SCGB2B2: variants seen among roughly 807,000 people sequenced by gnomAD.
The protein encoded by SCGB2B2 is secretoglobin family 2B member 2.
Under a neutral mutation model 7.6 loss-of-function variants are expected in SCGB2B2, and 11 were observed. The ratio of observed to expected loss-of-function variants is 1.45; its 90% CI spans 0.91 to 2.40. SCGB2B2 has a LOEUF of 2.40. SCGB2B2 is among the 30% of genes most tolerant of loss of function. The probability of loss-of-function intolerance (pLI) is 0.00; values close to 1 mark genes in which losing one functional copy is unlikely to be tolerated. For synonymous variants in SCGB2B2, 50 were observed against 48.6 expected (o/e 1.03, Z -0.12); for missense variants, 104 against 115.4 (o/e 0.90, Z 0.45).
chr19:34,633,387 C>T (rs1178824118), intron 1 of SCGB2B2, among the ~76,000 whole-genome samples: 1 of 152,108 alleles, frequency 6.6e-6, no homozygotes, highest in Non-Finnish European at 1.5e-5. Flanking sequence ...TGTCCTTTAA[C>T]AAATGAGCAG....
chr19:34,614,760 T>G (rs1295113141), intron 1 of SCGB2B2, among the ~76,000 whole-genome samples: 1 of 152,254 alleles, frequency 6.6e-6, no homozygotes, highest in African/African-American at 2.4e-5. Context: ...GTTGCTTTCA[T>G]AAAGTAAGAC....
intron 1 of SCGB2B2, among the ~76,000 whole-genome samples, chr19:34,602,782 T>A (rs991692248): frequency 6.6e-6 from 1 of 152,176 alleles, no homozygotes; most frequent in Non-Finnish European, 1.5e-5. Flanking sequence ...ATTTCGCTTT[T>A]GCTAGCCTTG....
downstream of SCGB2B2, among the ~76,000 whole-genome samples, chr19:34,590,282 G>A (rs374431193): frequency 6.7e-4 from 102 of 152,262 alleles, no homozygotes; most frequent in African/African-American, 1.7e-3. Context: ...TCCTCATGTC[G>A]TGACCTGACC....
chr19:34,645,897 C>A, intron 1 of SCGB2B2: 1 of 250,812 alleles, frequency 4.0e-6, no homozygotes. Context: ...GGATGCCTGC[C>A]TGGATTTCTA....
At chr19:34,618,279 A>G (rs1332895754) in intron 1 of SCGB2B2, among the ~76,000 whole-genome samples, 1 of 152,224 alleles carries the variant, frequency 6.6e-6, no homozygotes, top group Non-Finnish European at 1.5e-5. Flanking sequence ...AATCTATCCA[A>G]TCTTAACTAG....
chr19:34,599,884 C>G (rs143875034), intron 1 of SCGB2B2, among the ~76,000 whole-genome samples: 1 of 152,260 alleles, frequency 6.6e-6, no homozygotes, highest in Non-Finnish European at 1.5e-5. Flanking sequence ...ACATAGAACA[C>G]AAGTATGGAG....
rs185580085 is a variant in SCGB2B2, at chr19:34,592,885, C to G, written c.*670G>C. On this transcript the variant is annotated 3_prime_UTR_variant, in exon 4 of 4. Coordinates refer to ENST00000601241, the MANE Select transcript of SCGB2B2 (RefSeq NM_001025591.4). ...TGACTTAGCCAGGAGGGTGTGATTT[C>G]CCAGCCTCCAGCATCCCGAGTCCTG... 1.6e-4 allele frequency among the ~76,000 whole-genome samples: 25 copies of G among 152,138 alleles called. 1 individual carries two copies. The East Asian group carries it at 4.1e-3, about 25-fold the overall frequency.
chr19:34,594,676 TGTGTGTGTG>T lies in SCGB2B2; in HGVS notation c.-122_-114del, dbSNP rs1409498992. The T allele has an allele frequency of 3.2e-5, 24 of 739,094 alleles. No homozygotes were observed. The highest frequency in any genetic ancestry group is 5.0e-5 in the Non-Finnish European group (21 of 419,670). The allele number at this position is 739,094 out of a possible 1,614,324, so 45.8% of individuals were successfully genotyped here. ...TCGTGTGTGTGTGTGTGTGTGTGTGTGTGTGTGTGTGTGTGTGTGTGTGTGTGAATGTGG... is the reference window on the plus strand; with the variant it reads ...TCGTGTGTGTGTGTGTGTGTGTGTGTTGTGTGTGTGTGTGTGTGAATGTGG... On this transcript the variant is annotated 5_prime_UTR_variant, in exon 2 of 4. Transcript: ENST00000601241.
At chr19:34,657,971 C>G (rs185587296) in intron 1 of SCGB2B2, among the ~76,000 whole-genome samples, 36 of 152,284 alleles carry the variant, frequency 2.4e-4, no homozygotes, top group Non-Finnish European at 1.5e-5. Flanking sequence ...TACATGGAAA[C>G]TGAACAACCT....
chr19:34,597,107 G>A (rs1254286382), intron 1 of SCGB2B2, among the ~76,000 whole-genome samples: 2 of 151,618 alleles, frequency 1.3e-5, no homozygotes, highest in African/African-American at 2.4e-5. Context: ...TTGTGCAGCT[G>A]TCACTCAATC....
rs558836628 is a variant in SCGB2B2, at chr19:34,591,530, G to A, written c.*2025C>T. ...ATTCCAACAGGGAAAGTGTGACCTC[G>A]TAAGTCCTGCTCATCCCCTCCCAGG... is the stretch of plus-strand genomic sequence containing the variant. On this transcript the variant is annotated 3_prime_UTR_variant, in exon 4 of 4. Transcript: ENST00000601241. Among the ~76,000 whole-genome samples, 8 of 152,268 alleles carry A rather than the reference G, an allele frequency of 5.3e-5. No homozygotes were observed. The highest frequency in any genetic ancestry group is 1.9e-4 in the East Asian group (1 of 5,178).
chr19:34,587,543 T>C (rs1461038412), downstream of SCGB2B2, among the ~76,000 whole-genome samples: 11 of 152,228 alleles, frequency 7.2e-5, no homozygotes, highest in Admixed American at 7.2e-4. Flanking sequence ...CTAATTGCTC[T>C]GGCTAGGACT....
intron 1 of SCGB2B2, among the ~76,000 whole-genome samples, chr19:34,642,197 T>C (rs2146012944): frequency 6.6e-6 from 1 of 152,306 alleles, no homozygotes; most frequent in East Asian, 1.9e-4. Context: ...AGGATTTTGT[T>C]TTTCTTTTCT....
intron 1 of SCGB2B2, among the ~76,000 whole-genome samples, chr19:34,607,369 C>T (rs2065810467): frequency 6.6e-6 from 1 of 152,140 alleles, no homozygotes; most frequent in African/African-American, 2.4e-5. Flanking sequence ...CATTGACAGG[C>T]ATTTAGGTTG....
chr19:34,628,119 G>A (rs1463285842), intron 1 of SCGB2B2, among the ~76,000 whole-genome samples: 1 of 152,068 alleles, frequency 6.6e-6, no homozygotes, highest in African/African-American at 2.4e-5. Flanking sequence ...CACATTCAAT[G>A]CAGTGTGTAG....
intron 1 of SCGB2B2, among the ~76,000 whole-genome samples, chr19:34,639,790 C>T (rs1234289150): frequency 6.6e-6 from 1 of 152,202 alleles, no homozygotes; most frequent in Non-Finnish European, 1.5e-5. Context: ...GGGTCTCACT[C>T]CTGCCTTTTG....
chr19:34,625,188 G>A (rs914415089), intron 1 of SCGB2B2, among the ~76,000 whole-genome samples: 5 of 152,208 alleles, frequency 3.3e-5, no homozygotes, highest in East Asian at 3.8e-4. Flanking sequence ...AGCTCCCAGC[G>A]TGAGTGATGC....
At chr19:34,657,623 G>A (rs113419259) in intron 1 of SCGB2B2, among the ~76,000 whole-genome samples, 1 of 152,146 alleles carries the variant, frequency 6.6e-6, no homozygotes, top group Non-Finnish European at 1.5e-5. Flanking sequence ...GACCTACAAA[G>A]AGACTTAGAC....
intron 1 of SCGB2B2, among the ~76,000 whole-genome samples, chr19:34,625,371 CAAAG>C (rs543078278): frequency 6.6e-6 from 1 of 152,176 alleles, no homozygotes; most frequent in Non-Finnish European, 1.5e-5. Context: ...CTTTCCTAGT[CAAAG>C]AAAGGGGTGA....
Sources: allele counts gnomAD v4.1 joint callset (sites outside exome capture counted in the v4.1 genomes callset), GRCh38; gene constraint gnomAD v4.1.1; transcripts MANE v1.5; gene names NCBI Gene and HGNC (gene_info 2026-07-23, HGNC 2026-07-21).